HYDIN: variants seen among roughly 807,000 people sequenced by gnomAD.
The protein encoded by HYDIN is HYDIN axonemal central pair apparatus protein, also known as axonemal central pair apparatus protein HYDIN.
A neutral mutation model predicts 403.9 loss-of-function variants in HYDIN; 132 were observed. The observed-to-expected ratio is 0.33, with a 90% confidence interval of 0.28 to 0.38. HYDIN has a LOEUF of 0.38. HYDIN is among the 10% of genes least tolerant of loss of function. The pLI is 1.00. For synonymous variants in HYDIN, 1,202 were observed against 1,891.7 expected (o/e 0.64, Z 9.46); for missense variants, 2,827 against 5,009.5 (o/e 0.56, Z 13.15).
chr16:71,212,936 A>C (rs1428633856), intron 1 of HYDIN, among the ~76,000 whole-genome samples: 1 of 152,144 alleles, frequency 6.6e-6, no homozygotes, highest in Non-Finnish European at 1.5e-5. Flanking sequence ...AAAATTACTA[A>C]AGGAGCCAGT....
intron 84 of HYDIN, among the ~76,000 whole-genome samples, chr16:70,812,069 G>C (rs1183208348): frequency 1.1e-5 from 1 of 90,822 alleles, no homozygotes; most frequent in African/African-American, 4.4e-5. Context: ...GAGGGAACCC[G>C]TTCCAACCAG....
In HYDIN at chr16:70,837,830, C is replaced by A. The variant is rs749455793; in HGVS notation, c.13102G>T (p.Val4368Leu). Residue 4368 changes from valine (V) to leucine (L), a missense_variant, in exon 77 of 86, where the codon GTA becomes TTA. Physicochemically the swap from Val to Leu is conservative, Grantham distance 32 (BLOSUM62 1). Transcript: ENST00000393567. ...HLEVNSRVDV[V>L]KPGNTLEIPI... is the part of the protein sequence containing the mutation. ...ATCTCCAATGTGTTTCCTGGCTTTA[C>A]CACATCAACACGGGAGTTCACCTCG... The A allele has an allele frequency of 2.5e-6, 4 of 1,613,962 alleles. 1 individual carries two copies. The South Asian group carries it at 4.4e-5, about 18-fold the overall frequency.
chr16:70,984,369 A>G (rs1394433919), intron 28 of HYDIN, among the ~76,000 whole-genome samples: 1 of 147,870 alleles, frequency 6.8e-6, no homozygotes, highest in Non-Finnish European at 1.5e-5. Flanking sequence ...TAGGTGACAG[A>G]GCCAGACATG....
Position 70,850,580 on chromosome 16 carries a change from C to G in HYDIN, c.12519G>C (p.Lys4173Asn). 2 of 1,613,878 alleles carry G rather than the reference C, an allele frequency of 1.2e-6. No individual in the cohort carries two copies. The highest frequency in any genetic ancestry group is 1.7e-6 in the Non-Finnish European group (2 of 1,179,940). ...CATTTAATGTCACAGGGTGGACTTT[C>G]TTTTCCACATTGCAGATCAAATTAA... Reference protein sequence around the residue: ...VNFNLICNVEKKVHPVTLNVK... With the variant: ...VNFNLICNVENKVHPVTLNVK... The change falls in exon 74 of 86, where the codon AAG (lysine) becomes AAC (asparagine). Residue 4173 changes from lysine (K) to asparagine (N), a missense_variant. Physicochemically the swap from Lys to Asn is moderately conservative, Grantham distance 94. Coordinates refer to ENST00000393567, the MANE Select transcript of HYDIN (RefSeq NM_001270974.2).
At position 70,803,908 on chromosome 16, in the gene HYDIN, TG is replaced by T. The variant is rs2034999556; in HGVS notation, c.*3671del. Among the ~76,000 whole-genome samples the T allele has an allele frequency of 6.6e-6, 1 of 152,176 alleles. No individual in the cohort carries two copies. Among genetic ancestry groups the T allele is most frequent in the Non-Finnish European group, 1.5e-5 (1 of 68,034 alleles). Reference sequence around the variant, plus strand: ...ATGGTATTCTGTGCACAGTGCTCCTTGGAGTTCTGCCACACAGCTACCCTGA... The same window carrying T: ...ATGGTATTCTGTGCACAGTGCTCCTTGAGTTCTGCCACACAGCTACCCTGA... On this transcript the variant is annotated 3_prime_UTR_variant, in exon 86 of 86. Coordinates refer to ENST00000393567, the MANE Select transcript of HYDIN (RefSeq NM_001270974.2).
intron 65 of HYDIN, among the ~76,000 whole-genome samples, chr16:70,870,450 A>C (rs1227437987): frequency 6.6e-6 from 1 of 151,906 alleles, no homozygotes; most frequent in Admixed American, 6.6e-5. Flanking sequence ...GTGCAGCCTA[A>C]GGATGTAGAG....
intron 50 of HYDIN, among the ~76,000 whole-genome samples, chr16:70,904,976 C>G (rs2076494244): frequency 6.6e-6 from 1 of 152,074 alleles, no homozygotes; most frequent in Non-Finnish European, 1.5e-5. Flanking sequence ...GAGTTGAGCA[C>G]TGGGGGCACT....
intron 36 of HYDIN, among the ~76,000 whole-genome samples, chr16:70,967,583 G>A (rs2143970105): frequency 6.6e-6 from 1 of 152,122 alleles, no homozygotes; most frequent in African/African-American, 2.4e-5. Flanking sequence ...CTGGGTTCAT[G>A]CCATTCCCCC....
intron 23 of HYDIN, among the ~76,000 whole-genome samples, chr16:71,017,402 C>T (rs1334423952): frequency 6.6e-6 from 1 of 151,640 alleles, no homozygotes; most frequent in Non-Finnish European, 1.5e-5. Context: ...CTTGCTGTCT[C>T]TCCTGCTATC....
chr16:70,910,034 A>G (rs2076651195), intron 47 of HYDIN, among the ~76,000 whole-genome samples: 1 of 152,070 alleles, frequency 6.6e-6, no homozygotes, highest in South Asian at 2.1e-4. Context: ...CCAAATAAGT[A>G]TTAATCAAAG....
chr16:71,048,175 T>G (rs542559687), intron 18 of HYDIN, among the ~76,000 whole-genome samples: 1 of 151,472 alleles, frequency 6.6e-6, no homozygotes, highest in Admixed American at 6.6e-5. Flanking sequence ...CAGGATCTCA[T>G]TTCTTTTTAC....
In HYDIN at chr16:71,051,577, C is replaced by T. The variant is rs575466499; in HGVS notation, c.2529+8927G>A. On this transcript the variant is annotated intron_variant, in intron 18 of 85. Transcript: ENST00000393567. ...AGGAGAATGGCATGAACCCAGGAGG[C>T]GGAGCTTGCAGTGAGCTGAGATCAC... 4.0e-5 allele frequency among the ~76,000 whole-genome samples: 6 copies of T among 148,700 alleles called. No homozygotes were observed. In the East Asian group the frequency reaches 1.0e-3, roughly 25 times the overall value.
intron 10 of HYDIN, among the ~76,000 whole-genome samples, chr16:71,115,060 A>C (rs1395817264): frequency 6.6e-6 from 1 of 150,812 alleles, no homozygotes; most frequent in African/African-American, 2.4e-5. Flanking sequence ...TTACTGCTCT[A>C]AGAGCCATGG....
intron 60 of HYDIN, among the ~76,000 whole-genome samples, chr16:70,881,186 A>G (rs2040774260): frequency 7.6e-6 from 1 of 132,086 alleles, no homozygotes; most frequent in Non-Finnish European, 1.5e-5. Context: ...TGATGGCGCC[A>G]TTGCACTCCA....
chr16:70,929,077 G>T (rs975473079), intron 45 of HYDIN, among the ~76,000 whole-genome samples: 4 of 151,936 alleles, frequency 2.6e-5, no homozygotes, highest in Non-Finnish European at 5.9e-5. Context: ...ATCACCTGAG[G>T]TCAGGAGTTT....
At chr16:71,081,014 G>T (rs2082769760) in intron 12 of HYDIN, 1 of 151,804 alleles carries the variant, frequency 6.6e-6, no homozygotes. Context: ...AGAGCCTTCA[G>T]AAGGAAACAC....
At chr16:71,056,553 G>A (rs1001227686) in intron 18 of HYDIN, among the ~76,000 whole-genome samples, 1 of 152,002 alleles carries the variant, frequency 6.6e-6, no homozygotes, top group Non-Finnish European at 1.5e-5. Context: ...TTCTTGCGAA[G>A]GGTAAATCTA....
chr16:70,976,265 T>C (rs2078884751), intron 30 of HYDIN, among the ~76,000 whole-genome samples: 1 of 152,268 alleles, frequency 6.6e-6, no homozygotes, highest in South Asian at 2.1e-4. Context: ...GACTTCCTTC[T>C]GTCTTTGCAA....
At chr16:71,059,494 A>G (rs2082011689) in intron 18 of HYDIN, among the ~76,000 whole-genome samples, 1 of 152,050 alleles carries the variant, frequency 6.6e-6, no homozygotes, top group South Asian at 2.1e-4. Context: ...GCATTGGTCT[A>G]TGTGTCTGGA....
Sources: allele counts gnomAD v4.1 joint callset (sites outside exome capture counted in the v4.1 genomes callset), GRCh38; gene constraint gnomAD v4.1.1; transcripts MANE v1.5; gene names NCBI Gene and HGNC (gene_info 2026-07-23, HGNC 2026-07-21).